NCOA1: variants seen among roughly 807,000 people sequenced by gnomAD.
NCOA1 encodes the protein Hin-2 protein.
In NCOA1, 35 loss-of-function variants were observed where a neutral mutation model predicts 150.9. That is an observed-to-expected ratio of 0.23 (90% CI 0.18 to 0.31). NCOA1 has a LOEUF of 0.31. NCOA1 is among the 10% of genes least tolerant of loss of function. The probability of loss-of-function intolerance (pLI) is 1.00; values close to 1 mark genes in which losing one functional copy is unlikely to be tolerated. For synonymous variants in NCOA1, 590 were observed against 630.0 expected (o/e 0.94, Z 0.95); for missense variants, 1,491 against 1,749.3 (o/e 0.85, Z 2.63).
chr2:24,574,186 T>C (rs1030597521), intron 2 of NCOA1, among the ~76,000 whole-genome samples: 1 of 152,060 alleles, frequency 6.6e-6, no homozygotes, highest in Admixed American at 6.5e-5. Context: ...AAAAGATGTT[T>C]AAAAAATAGT....
At chr2:24,734,926 C>T (rs566249442) in intron 17 of NCOA1, among the ~76,000 whole-genome samples, 33 of 152,200 alleles carry the variant, frequency 2.2e-4, no homozygotes, top group African/African-American at 7.2e-4. Flanking sequence ...CAGAAACACA[C>T]CCAGACATAT....
At chr2:24,739,080 C>T (rs1180878301) in intron 17 of NCOA1, among the ~76,000 whole-genome samples, 2 of 152,098 alleles carry the variant, frequency 1.3e-5, no homozygotes, top group African/African-American at 4.8e-5. Context: ...AGACCTAGGG[C>T]TGGTACTTCT....
intron 21 of NCOA1, among the ~76,000 whole-genome samples, chr2:24,759,318 T>G (rs1207064862): frequency 6.6e-6 from 1 of 152,154 alleles, no homozygotes; most frequent in Non-Finnish European, 1.5e-5. Flanking sequence ...TATGAAAAAG[T>G]TGCCTAAACA....
rs572206890 is a variant in NCOA1 at position 24,593,929 on chromosome 2, C to T, written c.-175+9369C>T. On this transcript the variant is annotated intron_variant, in intron 3 of 22. Transcript: ENST00000348332. The stretch of plus-strand genomic sequence containing the variant: ...CTAACTTAACTCTGCTACTGATTAT[C>T]TTTGCAATTTTTAGGAAGTGTACCA... Among the ~76,000 whole-genome samples, 4 of 152,254 alleles carry T rather than the reference C, an allele frequency of 2.6e-5. No homozygotes were observed. The East Asian group carries it at 7.7e-4, about 29-fold the overall frequency.
At chr2:24,619,350 C>T (rs1669013241) in intron 3 of NCOA1, among the ~76,000 whole-genome samples, 2 of 152,130 alleles carry the variant, frequency 1.3e-5, no homozygotes. Flanking sequence ...GACCTTTTCC[C>T]ACAAAGTATT....
At chr2:24,572,657 C>T (rs2148284476) in intron 2 of NCOA1, among the ~76,000 whole-genome samples, 1 of 152,252 alleles carries the variant, frequency 6.6e-6, no homozygotes, top group East Asian at 1.9e-4. Context: ...CCATCACCTC[C>T]CTCTCTCCAC....
intron 3 of NCOA1, among the ~76,000 whole-genome samples, chr2:24,640,072 TTC>T (rs1670137796): frequency 6.6e-6 from 1 of 151,486 alleles, no homozygotes; most frequent in African/African-American, 2.4e-5. Context: ...TTGCATTTTC[TTC>T]TTTCACTGTA....
At chr2:24,524,907 G>A (rs1415840209) in intron 1 of NCOA1, among the ~76,000 whole-genome samples, 2 of 152,164 alleles carry the variant, frequency 1.3e-5, no homozygotes, top group African/African-American at 4.8e-5. Flanking sequence ...ACTGCACCCA[G>A]CCTACTTCAT....
chr2:24,623,956 C>A (rs922083926), intron 3 of NCOA1, among the ~76,000 whole-genome samples: 3 of 152,178 alleles, frequency 2.0e-5, no homozygotes, highest in African/African-American at 7.2e-5. Context: ...ACAATTCAGT[C>A]TATAACAGAG....
chr2:24,697,959 G>T (rs1672975633), intron 11 of NCOA1, among the ~76,000 whole-genome samples, 161 bp downstream of exon 11: 1 of 152,124 alleles, frequency 6.6e-6, no homozygotes, highest in East Asian at 1.9e-4. Context: ...AGTAATTCAT[G>T]AGTGGATCCT....
chr2:24,495,104 T>TTG (rs1431552488), intron 1 of NCOA1, among the ~76,000 whole-genome samples: 217 of 83,604 alleles, frequency 2.6e-3, no homozygotes, highest in Middle Eastern at 0.013. Context: ...TTTTTTTTTG[T>TTG]TTTTTTTTTT....
At position 24,707,363 on chromosome 2, in the gene NCOA1, C is replaced by A. The variant is rs1241004465; in HGVS notation, c.1893C>A (p.His631Gln). 15 of 1,614,098 alleles carry A rather than the reference C, an allele frequency of 9.3e-6. No individual in the cohort carries two copies. The highest frequency in any genetic ancestry group is 1.3e-5 in the Non-Finnish European group (15 of 1,180,048). ...ACAGTAAATACTCTCAAACCAGTCA[C>A]AAACTAGTGCAGCTTTTGACAACAA... ...DGDSKYSQTSHKLVQLLTTTA... is the reference protein window; with the variant it reads ...DGDSKYSQTSQKLVQLLTTTA... The change falls in exon 13 of 23, where the codon CAC becomes CAA. Residue 631 changes from histidine to glutamine, a missense_variant. His to Gln is a conservative substitution (Grantham distance 24). Around this residue, in one of 8 missense-constraint regions of NCOA1, gnomAD observed 703 missense variants for 717.7 expected, o/e 0.98. Coordinates refer to ENST00000348332, the MANE Select transcript of NCOA1 (RefSeq NM_003743.5).
At chr2:24,578,435 C>A (rs11686844) in intron 2 of NCOA1, among the ~76,000 whole-genome samples, 66,545 of 151,854 alleles carry the variant, frequency 0.44, 16,285 homozygotes, top group Admixed American at 0.6. Flanking sequence ...ACAATTAAAA[C>A]TAAAAAGAAA....
chr2:24,526,678 C>G (rs564903563), intron 1 of NCOA1, among the ~76,000 whole-genome samples: 1 of 151,334 alleles, frequency 6.6e-6, no homozygotes, highest in African/African-American at 2.4e-5. Context: ...AGGCTCATTG[C>G]ATTGCAGCCT....
At chr2:24,703,240 A>T (rs1433116030) in intron 11 of NCOA1, among the ~76,000 whole-genome samples, 1 of 152,156 alleles carries the variant, frequency 6.6e-6, no homozygotes, top group African/African-American at 2.4e-5. Context: ...TCTGACTCCT[A>T]GGCTGTTACT....
At chr2:24,600,900 A>G (rs1280973443) in intron 3 of NCOA1, among the ~76,000 whole-genome samples, 1 of 152,162 alleles carries the variant, frequency 6.6e-6, no homozygotes, top group Non-Finnish European at 1.5e-5. Flanking sequence ...TCACCTCAAT[A>G]TTCTGTACCT....
chr2:24,756,071 TAAAAAAAAAAAAA>T (rs369987098), intron 20 of NCOA1, among the ~76,000 whole-genome samples: 2 of 108,202 alleles, frequency 1.8e-5, no homozygotes, highest in African/African-American at 7.7e-5. Flanking sequence ...CCATCTCTAC[TAAAAAAAAAAAAA>T]AAAAAAAAAA....
intron 1 of NCOA1, among the ~76,000 whole-genome samples, chr2:24,534,062 C>G (rs191126503): frequency 7.5e-4 from 113 of 149,756 alleles, no homozygotes; most frequent in Admixed American, 3.7e-3. Flanking sequence ...GCTGTGAATC[C>G]GTCTGGTCCT....
chr2:24,727,231 AT>A (rs1335449735), intron 15 of NCOA1, among the ~76,000 whole-genome samples: 1 of 151,948 alleles, frequency 6.6e-6, no homozygotes, highest in Non-Finnish European at 1.5e-5. Flanking sequence ...CAAGGCTAGT[AT>A]ACGTTGTAAT....
Sources: allele counts gnomAD v4.1 joint callset (sites outside exome capture counted in the v4.1 genomes callset), GRCh38; gene constraint gnomAD v4.1.1; regional missense constraint gnomAD v4.1.1; transcripts MANE v1.5; gene names NCBI Gene and HGNC (gene_info 2026-07-23, HGNC 2026-07-21).